The following FNIP1 variants were observed in gnomAD, a reference collection of about 807,000 sequenced individuals.
FNIP1 encodes folliculin interacting protein 1.
FNIP1 carries 40 observed loss-of-function variants against 124.5 expected under a neutral mutation model. The ratio of observed to expected loss-of-function variants is 0.32; its 90% CI spans 0.25 to 0.42. FNIP1 has a LOEUF of 0.42. FNIP1 is among the 10% of genes least tolerant of loss of function. The pLI, the probability that FNIP1 is intolerant of heterozygous loss-of-function variation, is 1.00. For missense variants in FNIP1, 1,176 were observed against 1,403.7 expected, an observed-to-expected ratio of 0.84 and a Z score of 2.59; for synonymous variants, 472 against 470.6, an observed-to-expected ratio of 1.00 and a Z score of -0.04.
intron 5 of FNIP1, among the ~76,000 whole-genome samples, chr5:131,717,896 C>T (rs1769522454): frequency 6.6e-6 from 1 of 151,908 alleles, no homozygotes; most frequent in Non-Finnish European, 1.5e-5. Flanking sequence ...AGGATACCCC[C>T]CATGGCCGGG....
At chr5:131,726,945 G>A (rs1769897230) in intron 3 of FNIP1, among the ~76,000 whole-genome samples, 1 of 152,196 alleles carries the variant, frequency 6.6e-6, no homozygotes, top group East Asian at 1.9e-4. Flanking sequence ...CAGTTTCTAA[G>A]TAGTTGTGTA....
intron 1 of FNIP1, among the ~76,000 whole-genome samples, chr5:131,780,219 G>A (rs1771951439): frequency 6.6e-6 from 1 of 152,182 alleles, no homozygotes; most frequent in South Asian, 2.1e-4. Flanking sequence ...ATAAATATTT[G>A]AAAGATGAAA....
chr5:131,696,587 TAAC>T (rs1271910005), intron 11 of FNIP1, among the ~76,000 whole-genome samples: 1 of 152,152 alleles, frequency 6.6e-6, no homozygotes, highest in East Asian at 1.9e-4. Context: ...AAGCTAAATC[TAAC>T]GTTATAGATA....
At chr5:131,680,203 A>C (rs1768037305) in intron 11 of FNIP1, among the ~76,000 whole-genome samples, 1 of 152,220 alleles carries the variant, frequency 6.6e-6, no homozygotes, top group African/African-American at 2.4e-5. Flanking sequence ...ACTGCTCTAG[A>C]AAGTTCTCTG....
intron 1 of FNIP1, among the ~76,000 whole-genome samples, chr5:131,794,780 A>G (rs1424485883): frequency 6.6e-6 from 1 of 152,176 alleles, no homozygotes; most frequent in African/African-American, 2.4e-5. Context: ...CTGTTGACAG[A>G]GTGAGAAAAA....
At chr5:131,790,248 T>A (rs576452306) in intron 1 of FNIP1, among the ~76,000 whole-genome samples, 30 of 152,224 alleles carry the variant, frequency 2.0e-4, no homozygotes, top group African/African-American at 7.2e-4. Context: ...AAGGTGGCTA[T>A]TTTTGATAGC....
chr5:131,779,683 G>C (rs1426467278), intron 1 of FNIP1, among the ~76,000 whole-genome samples: 1 of 127,670 alleles, frequency 7.8e-6, no homozygotes, highest in Non-Finnish European at 1.6e-5. Context: ...GTGAGATTCT[G>C]TTTCAAAAAA....
chr5:131,650,454 T>G (rs1767008012), intron 16 of FNIP1, among the ~76,000 whole-genome samples: 1 of 152,216 alleles, frequency 6.6e-6, no homozygotes, highest in Non-Finnish European at 1.5e-5. Flanking sequence ...ATGCAACTTA[T>G]TTTTATGGGT....
intron 6 of FNIP1, 62 bp downstream of exon 6, chr5:131,716,503 C>T: frequency 8.7e-7 from 1 of 1,147,834 alleles, no homozygotes; most frequent in Non-Finnish European, 1.3e-6. Flanking sequence ...GGAATAACTT[C>T]AAAAAACACT....
intron 10 of FNIP1, among the ~76,000 whole-genome samples, chr5:131,699,292 A>G (rs1362112395): frequency 6.6e-6 from 1 of 152,186 alleles, no homozygotes; most frequent in East Asian, 1.9e-4. Context: ...TCTGGGTTAC[A>G]AAAAACTTAT....
chr5:131,652,094 A>G (rs1580726758), intron 15 of FNIP1, 95 bp from the exon 16 acceptor site: 1 of 1,161,594 alleles, frequency 8.6e-7, no homozygotes, highest in East Asian at 2.5e-5. Context: ...ACAAAAACAG[A>G]AAAAAAAATT....
intron 13 of FNIP1, 131 bp from the exon 14 acceptor site, chr5:131,673,055 T>G (rs976254453): frequency 7.5e-5 from 49 of 652,700 alleles, no homozygotes; most frequent in Middle Eastern, 7.3e-4. Context: ...TTTTTTGTTT[T>G]TTTTTTTTTT....
chr5:131,739,046 C>T (rs1471039031), intron 2 of FNIP1, among the ~76,000 whole-genome samples: 1 of 151,926 alleles, frequency 6.6e-6, no homozygotes, highest in African/African-American at 2.4e-5. Context: ...AAACACCTGG[C>T]CTCAAGTAAT....
intron 15 of FNIP1, among the ~76,000 whole-genome samples, chr5:131,659,473 C>T (rs1363414015): frequency 6.6e-6 from 1 of 152,210 alleles, no homozygotes; most frequent in African/African-American, 2.4e-5. Flanking sequence ...CATAGTATAG[C>T]TTCTCCTTGA....
At chr5:131,794,325 G>T (rs1772507377) in intron 1 of FNIP1, among the ~76,000 whole-genome samples, 2 of 145,612 alleles carry the variant, frequency 1.4e-5, no homozygotes, top group South Asian at 4.4e-4. Flanking sequence ...TATCAATATT[G>T]AAGAGATTGT....
At chr5:131,680,004 A>G (rs773738664) in intron 11 of FNIP1, among the ~76,000 whole-genome samples, 1 of 152,242 alleles carries the variant, frequency 6.6e-6, no homozygotes, top group Admixed American at 6.5e-5. Context: ...CCTACTTTCT[A>G]CTTTTTAAAA....
chr5:131,668,345 TA>T (rs1767659926), intron 15 of FNIP1, among the ~76,000 whole-genome samples: 1 of 152,176 alleles, frequency 6.6e-6, no homozygotes, highest in South Asian at 2.1e-4. Context: ...AAGCAAAATG[TA>T]AAAACATTTT....
At chr5:131,693,340 A>ATG (rs1768569873) in intron 11 of FNIP1, among the ~76,000 whole-genome samples, 1 of 128,816 alleles carries the variant, frequency 7.8e-6, no homozygotes, top group African/African-American at 2.9e-5. Flanking sequence ...ATACATATAT[A>ATG]TATATATATA....
intron 1 of FNIP1, among the ~76,000 whole-genome samples, chr5:131,779,344 A>C (rs1422964762): frequency 6.6e-6 from 1 of 152,080 alleles, no homozygotes; most frequent in African/African-American, 2.4e-5. Context: ...TAGATCTATT[A>C]GTAATTGTTT....
Sources: gnomAD v4.1 joint callset for allele counts (sites outside exome capture counted in the v4.1 genomes callset) on GRCh38, gnomAD v4.1.1 for gene constraint, MANE v1.5 for transcripts, NCBI Gene and HGNC (gene_info 2026-07-23, HGNC 2026-07-21) for gene names.